The following RBMS3 variants were observed in gnomAD, a reference collection of about 807,000 sequenced individuals.
The protein encoded by RBMS3 is RNA-binding motif, single-stranded-interacting protein 3.
Under a neutral mutation model 66.8 loss-of-function variants are expected in RBMS3, and 27 were observed. The observed-to-expected ratio is 0.40, with a 90% CI of 0.30 to 0.56. RBMS3 has a LOEUF of 0.56. RBMS3 is among the 20% of genes least tolerant of loss of function. The pLI is 0.40. For synonymous variants in RBMS3, 188 were observed against 183.0 expected (o/e 1.03, Z -0.22); for missense variants, 513 against 549.5 (o/e 0.93, Z 0.66).
intron 1 of RBMS3, among the ~76,000 whole-genome samples, chr3:29,316,058 G>T (rs1024693097): frequency 6.6e-6 from 1 of 151,594 alleles, no homozygotes; most frequent in Non-Finnish European, 1.5e-5. Flanking sequence ...TATTACCGGG[G>T]TGATATTAAG....
At chr3:29,283,700 A>G (rs1033858475) in intron 1 of RBMS3, among the ~76,000 whole-genome samples, 7 of 152,154 alleles carry the variant, frequency 4.6e-5, no homozygotes, top group African/African-American at 1.7e-4. Flanking sequence ...ATATTTGGAT[A>G]ATCAGATCAG....
At chr3:29,787,590 A>G (rs1660625869) in intron 6 of RBMS3, among the ~76,000 whole-genome samples, 1 of 152,322 alleles carries the variant, frequency 6.6e-6, no homozygotes, top group Non-Finnish European at 1.5e-5. Context: ...TAACTCAGGA[A>G]TGGAAAACCA....
intron 1 of RBMS3, among the ~76,000 whole-genome samples, chr3:29,342,448 A>G (rs1467902012): frequency 6.6e-6 from 1 of 152,162 alleles, no homozygotes; most frequent in East Asian, 1.9e-4. Flanking sequence ...CATTGTGTCT[A>G]TTATTGGCAC....
At chr3:29,630,907 A>G (rs1048435354) in intron 4 of RBMS3, among the ~76,000 whole-genome samples, 3 of 151,942 alleles carry the variant, frequency 2.0e-5, no homozygotes, top group Non-Finnish European at 4.4e-5. Context: ...TGGGTAGCCA[A>G]TGACTGGGAA....
At chr3:29,562,500 C>T (rs930217185) in intron 3 of RBMS3, among the ~76,000 whole-genome samples, 3 of 152,120 alleles carry the variant, frequency 2.0e-5, no homozygotes, top group African/African-American at 4.8e-5. Flanking sequence ...GAAGAAACTA[C>T]GATGTTGATT....
At chr3:29,821,904 A>G (rs2058085134) in intron 6 of RBMS3, among the ~76,000 whole-genome samples, 1 of 152,184 alleles carries the variant, frequency 6.6e-6, no homozygotes, top group South Asian at 2.1e-4. Flanking sequence ...TGTCATTAGA[A>G]AACAGAAATC....
chr3:29,323,039 C>G (rs937600659), intron 1 of RBMS3, among the ~76,000 whole-genome samples: 1 of 152,164 alleles, frequency 6.6e-6, no homozygotes, highest in African/African-American at 2.4e-5. Context: ...GTCTCATCCT[C>G]TCATCCATCA....
At chr3:29,869,025 G>T (rs2059426193) in intron 7 of RBMS3, 61 bp downstream of exon 7, 2 of 1,378,658 alleles carry the variant, frequency 1.5e-6, no homozygotes, top group African/African-American at 1.5e-5. Flanking sequence ...TCAGAAGGTG[G>T]CAAGGCAGAC....
chr3:29,873,177 G>A (rs936805469), intron 7 of RBMS3, among the ~76,000 whole-genome samples: 1 of 152,008 alleles, frequency 6.6e-6, no homozygotes, highest in Admixed American at 6.6e-5. Flanking sequence ...ATTGCTTTGG[G>A]CAGTATGACC....
chr3:29,473,086 T>C (rs567929207), intron 2 of RBMS3, among the ~76,000 whole-genome samples: 1 of 151,964 alleles, frequency 6.6e-6, no homozygotes, highest in African/African-American at 2.4e-5. Flanking sequence ...GGGTGCTGAT[T>C]GGTGTGTTTA....
chr3:29,401,412 A>G (rs1337617340), intron 1 of RBMS3, among the ~76,000 whole-genome samples: 1 of 152,088 alleles, frequency 6.6e-6, no homozygotes, highest in Non-Finnish European at 1.5e-5. Flanking sequence ...CAGTCTCTGC[A>G]TTTACAGCCT....
chr3:29,606,231 C>T (rs943443564), intron 4 of RBMS3, among the ~76,000 whole-genome samples: 1 of 151,848 alleles, frequency 6.6e-6, no homozygotes, highest in Non-Finnish European at 1.5e-5. Context: ...TAATAACAAT[C>T]CCTTCGCATT....
intron 4 of RBMS3, among the ~76,000 whole-genome samples, chr3:29,632,147 A>G (rs17023976): frequency 0.017 from 2,614 of 152,016 alleles, 80 homozygotes; most frequent in African/African-American, 0.059. Context: ...TACCAATAGA[A>G]TTCCATTTGA....
intron 6 of RBMS3, among the ~76,000 whole-genome samples, chr3:29,786,936 C>A (rs1158450284): frequency 6.6e-6 from 1 of 151,834 alleles, no homozygotes; most frequent in Admixed American, 6.6e-5. Flanking sequence ...CTTCATACAT[C>A]TGAAAAAGGA....
At chr3:29,418,386 T>A (rs1290624335) in intron 1 of RBMS3, among the ~76,000 whole-genome samples, 1 of 152,182 alleles carries the variant, frequency 6.6e-6, no homozygotes. Context: ...TGCTAACATA[T>A]GACACTAATT....
At chr3:29,807,769 AT>A (rs1327203988) in intron 6 of RBMS3, among the ~76,000 whole-genome samples, 3 of 150,980 alleles carry the variant, frequency 2.0e-5, no homozygotes, top group African/African-American at 7.3e-5. Context: ...TACCAAAAAA[AT>A]AAAAAAGTAC....
intron 6 of RBMS3, among the ~76,000 whole-genome samples, chr3:29,816,558 A>G (rs2057909989): frequency 6.6e-6 from 1 of 151,938 alleles, no homozygotes; most frequent in South Asian, 2.1e-4. Context: ...TTTGATTGTT[A>G]TTTGCTCTGT....
intron 6 of RBMS3, among the ~76,000 whole-genome samples, chr3:29,856,240 G>A (rs2059073123): frequency 6.6e-6 from 1 of 152,134 alleles, no homozygotes; most frequent in South Asian, 2.1e-4. Flanking sequence ...TAAATAAGTT[G>A]AATGAATGTA....
intron 10 of RBMS3, among the ~76,000 whole-genome samples, chr3:29,920,205 G>A (rs1359683888): frequency 6.6e-6 from 1 of 152,138 alleles, no homozygotes; most frequent in Non-Finnish European, 1.5e-5. Context: ...AAAATGAAAT[G>A]TGAATTGTCA....
Sources: allele counts gnomAD v4.1 joint callset (sites outside exome capture counted in the v4.1 genomes callset), GRCh38; gene constraint gnomAD v4.1.1; transcripts MANE v1.5; gene names NCBI Gene and HGNC (gene_info 2026-07-23, HGNC 2026-07-21).